Variants in PDZRN3 observed in about 807,000 individuals in gnomAD.
PDZRN3 encodes the protein PDZ domain containing ring finger 3.
Under a neutral mutation model 85.7 loss-of-function variants are expected in PDZRN3, and 38 were observed. That is an observed-to-expected ratio of 0.44 (90% CI 0.34 to 0.58). The LOEUF is 0.58. PDZRN3 is among the 20% of genes least tolerant of loss of function. The pLI is 0.01. For missense variants in PDZRN3, 1,629 were observed against 1,506.4 expected (o/e 1.08, Z -1.35); for synonymous variants, 759 against 638.0 (o/e 1.19, Z -2.86).
intron 3 of PDZRN3, among the ~76,000 whole-genome samples, chr3:73,594,440 C>T (rs4234182): frequency 0.9 from 136,492 of 152,236 alleles, 61,250 homozygotes; most frequent in African/African-American, 0.94. Flanking sequence ...GAAATAACAA[C>T]TCTCCACCTT....
At chr3:73,466,081 G>C (rs954384974) in intron 3 of PDZRN3, among the ~76,000 whole-genome samples, 1 of 152,120 alleles carries the variant, frequency 6.6e-6, no homozygotes. Context: ...GCAACTGGGG[G>C]CTCTCTCCTT....
At chr3:73,515,907 A>G (rs1704248188) in intron 3 of PDZRN3, among the ~76,000 whole-genome samples, 1 of 152,260 alleles carries the variant, frequency 6.6e-6, no homozygotes, top group African/African-American at 2.4e-5. Flanking sequence ...AACAGTCCCC[A>G]AAGTTTAACT....
chr3:73,590,268 C>CAAAA (rs10685167), intron 3 of PDZRN3, among the ~76,000 whole-genome samples: 9 of 97,474 alleles, frequency 9.2e-5, no homozygotes, highest in East Asian at 2.8e-4. Context: ...GACTCTGTCT[C>CAAAA]AAAAAAAAAA....
At chr3:73,571,080 C>T (rs1437746425) in intron 3 of PDZRN3, among the ~76,000 whole-genome samples, 5 of 152,114 alleles carry the variant, frequency 3.3e-5, no homozygotes, top group South Asian at 2.1e-4. Flanking sequence ...AAGTTTTTGA[C>T]GATTCAGTTT....
At chr3:73,460,569 G>A (rs1022340830) in intron 3 of PDZRN3, among the ~76,000 whole-genome samples, 1 of 152,274 alleles carries the variant, frequency 6.6e-6, no homozygotes, top group Admixed American at 6.5e-5. Flanking sequence ...GAGTATGTCA[G>A]GTATCTGACA....
chr3:73,576,983 A>G (rs1238933426), intron 3 of PDZRN3, among the ~76,000 whole-genome samples: 8 of 152,228 alleles, frequency 5.3e-5, no homozygotes, highest in Admixed American at 4.6e-4. Context: ...TTGTCAAAAC[A>G]TTCATTTTTG....
intron 3 of PDZRN3, chr3:73,408,275 T>A: frequency 1.4e-6 from 1 of 700,858 alleles, no homozygotes; most frequent in Non-Finnish European, 2.6e-6. Context: ...AAAATAAATA[T>A]AGCATCATGC....
intron 3 of PDZRN3, among the ~76,000 whole-genome samples, chr3:73,529,492 C>G (rs1047295160): frequency 1.3e-5 from 2 of 152,196 alleles, no homozygotes; most frequent in African/African-American, 4.8e-5. Flanking sequence ...TTTGCACTGC[C>G]ACCTTTGGGA....
intron 3 of PDZRN3, among the ~76,000 whole-genome samples, chr3:73,500,553 C>G (rs751524041): frequency 6.6e-6 from 1 of 152,112 alleles, no homozygotes; most frequent in East Asian, 1.9e-4. Context: ...AGTGTTGTTG[C>G]CAGAATAATC....
chr3:73,585,255 G>A (rs556360266), intron 3 of PDZRN3, among the ~76,000 whole-genome samples: 8 of 152,274 alleles, frequency 5.3e-5, no homozygotes, highest in African/African-American at 1.9e-4. Flanking sequence ...CTATTAGGAA[G>A]TTTCTATTTG....
intron 1 of PDZRN3, among the ~76,000 whole-genome samples, chr3:73,616,338 C>A (rs865883789): frequency 6.6e-6 from 1 of 151,808 alleles, no homozygotes; most frequent in East Asian, 1.9e-4. Flanking sequence ...AGCAAGGCTA[C>A]TCATCTAAAA....
At position 73,608,579 on chromosome 3, in the gene PDZRN3, A is replaced by G; in HGVS notation, c.810+19T>C. 2.6e-6 allele frequency: 4 copies of G among 1,546,252 alleles called. No individual in the cohort carries two copies. The highest frequency in any genetic ancestry group is 3.6e-6 in the Non-Finnish European group (4 of 1,119,084). On this transcript the variant is annotated intron_variant, in intron 2 of 9. Transcript: ENST00000263666. ...GCTACACCAGGAAAAGGAAAAACAC[A>G]TTTTAGTAATTAACATACCACACTC...
At chr3:73,471,192 T>TA (rs1449016242) in intron 3 of PDZRN3, among the ~76,000 whole-genome samples, 1 of 152,044 alleles carries the variant, frequency 6.6e-6, no homozygotes, top group East Asian at 1.9e-4. Context: ...TGTGAAGAGA[T>TA]ATAGAACACC....
At chr3:73,439,594 GA>G (rs953131939) in intron 3 of PDZRN3, among the ~76,000 whole-genome samples, 2 of 151,884 alleles carry the variant, frequency 1.3e-5, no homozygotes, top group African/African-American at 4.8e-5. Flanking sequence ...TTCATAGCAA[GA>G]AAAAAAGCAA....
At chr3:73,585,193 C>A (rs1398603130) in intron 3 of PDZRN3, among the ~76,000 whole-genome samples, 1 of 152,106 alleles carries the variant, frequency 6.6e-6, no homozygotes, top group Admixed American at 6.5e-5. Context: ...TTTAGGAATT[C>A]AAGTTTTAAA....
In PDZRN3 at chr3:73,452,839, CTGTGTG is replaced by C. The variant is rs35308043; in HGVS notation, c.919-48450_919-48445del. Among the ~76,000 whole-genome samples the C allele has an allele frequency of 1.3e-3, 185 of 140,716 alleles. 3 individuals are homozygous for C. Among genetic ancestry groups the C allele is most frequent in the Admixed American group, 3.0e-3 (42 of 13,812 alleles). The allele number at this position is 140,716 out of a possible 152,430, so 92.3% of individuals were successfully genotyped here. A position where few individuals can be genotyped will look rare whatever the true frequency, so the allele number is the denominator to read the frequency against. ...GCCAATTCTCTAACGGTCCATATATCTGTGTGTGTGTGTGTGTGTGTGTGTGTGTGT... is the reference window on the plus strand; with the variant it reads ...GCCAATTCTCTAACGGTCCATATATCTGTGTGTGTGTGTGTGTGTGTGTGT... On this transcript the variant is annotated intron_variant, in intron 3 of 9. Coordinates refer to ENST00000263666, the MANE Select transcript of PDZRN3 (RefSeq NM_015009.3).
At chr3:73,393,701 A>C (rs1701576962) in intron 5 of PDZRN3, among the ~76,000 whole-genome samples, 1 of 152,184 alleles carries the variant, frequency 6.6e-6, no homozygotes, top group African/African-American at 2.4e-5. Context: ...TGAGAGGTGT[A>C]AGGTATGAGT....
chr3:73,581,133 C>T (rs941214783), intron 3 of PDZRN3, among the ~76,000 whole-genome samples: 2 of 152,214 alleles, frequency 1.3e-5, no homozygotes, highest in Admixed American at 6.5e-5. Context: ...AAAGCATAAG[C>T]AACATTCCTT....
At chr3:73,547,087 C>A (rs983100089) in intron 3 of PDZRN3, among the ~76,000 whole-genome samples, 1 of 152,140 alleles carries the variant, frequency 6.6e-6, no homozygotes, top group African/African-American at 2.4e-5. Flanking sequence ...CCTTCCACCC[C>A]ACTCACGACA....
Sources: gnomAD v4.1 joint callset for allele counts (sites outside exome capture counted in the v4.1 genomes callset) on GRCh38, gnomAD v4.1.1 for gene constraint, MANE v1.5 for transcripts, NCBI Gene and HGNC (gene_info 2026-07-23, HGNC 2026-07-21) for gene names.